ZBTB16: variants seen among roughly 807,000 people sequenced by gnomAD.
The protein encoded by ZBTB16 is zinc finger and BTB domain containing 16.
A neutral mutation model predicts 56.8 loss-of-function variants in ZBTB16; 8 were observed. The observed-to-expected ratio is 0.14, with a 90% CI of 0.08 to 0.25. The LOEUF (loss-of-function observed/expected upper bound fraction) is 0.25, where lower values mean the gene tolerates loss of function less well. Ranked by LOEUF, ZBTB16 falls within the 10% of genes least tolerant of loss-of-function variation. The pLI, the probability that ZBTB16 is intolerant of heterozygous loss-of-function variation, is 1.00. For synonymous variants in ZBTB16, 363 were observed against 368.5 expected (o/e 0.98, Z 0.17); for missense variants, 625 against 903.0 (o/e 0.69, Z 3.95).
At chr11:114,115,833 C>T (rs1941154765) in intron 2 of ZBTB16, among the ~76,000 whole-genome samples, 1 of 152,150 alleles carries the variant, frequency 6.6e-6, no homozygotes, top group African/African-American at 2.4e-5. Context: ...GCAGGCGCTG[C>T]CCCTACCCTG....
rs1938968946 is a variant in ZBTB16 at position 114,063,546 on chromosome 11, G to A, written c.246G>A (p.Gln82=). 1 of 1,614,250 alleles carries A rather than the reference G, an allele frequency of 6.2e-7. No homozygotes were observed. The highest frequency in any genetic ancestry group is 8.5e-7 in the Non-Finnish European group (1 of 1,180,054). Residue 82 remains glutamine (Q), a synonymous_variant, in exon 2 of 7, where the codon CAG becomes CAA. Transcript: ENST00000335953. This position sits in a 1 kb window ranked among gnomAD's most constrained non-coding sequence, Gnocchi z 6.5. ...TCCTCTCGCCAAAGACCTTCCAGCA[G>A]ATTCTGGAGTATGCATATACAGCCA... ...LDFLSPKTFQ[Q]ILEYAYTATL...
intron 2 of ZBTB16, among the ~76,000 whole-genome samples, chr11:114,140,550 AG>A (rs1027726550): frequency 6.6e-6 from 1 of 152,214 alleles, no homozygotes; most frequent in African/African-American, 2.4e-5. Context: ...AGGGTGCTGA[AG>A]GAAAGAAGTG....
At chr11:114,160,181 C>G (rs983280200) in intron 3 of ZBTB16, among the ~76,000 whole-genome samples, 1 of 152,200 alleles carries the variant, frequency 6.6e-6, no homozygotes, top group Non-Finnish European at 1.5e-5. Context: ...CCAGGCCAGG[C>G]CTGGCTGCGA....
At chr11:114,074,234 C>G (rs1939456311) in intron 2 of ZBTB16, among the ~76,000 whole-genome samples, 1 of 152,234 alleles carries the variant, frequency 6.6e-6, no homozygotes, top group African/African-American at 2.4e-5. Context: ...GCGTTGTGCT[C>G]TAAGTGGATT....
rs187932397 is a variant in ZBTB16, at chr11:114,217,410, G to C, written c.1454-24757G>C. ...TGCTTACATGATAGAAAATGAGCTGGATTGGGGTATCTCAATCCTAATGTC... is the reference window on the plus strand; with the variant it reads ...TGCTTACATGATAGAAAATGAGCTGCATTGGGGTATCTCAATCCTAATGTC... On this transcript the variant is annotated intron_variant, in intron 4 of 6. Coordinates refer to ENST00000335953, the MANE Select transcript of ZBTB16 (RefSeq NM_006006.6). Among the ~76,000 whole-genome samples, 173 of 152,290 alleles carry C rather than the reference G, an allele frequency of 1.1e-3. 3 individuals carry two copies. Among genetic ancestry groups the C allele is most frequent in the Admixed American group, 0.011 (170 of 15,296 alleles).
At position 114,064,749 on chromosome 11, in the gene ZBTB16, AGG is replaced by A. The variant is rs1172538920; in HGVS notation, c.1268+185_1268+186del. The stretch of plus-strand genomic sequence containing the variant: ...GGAGCAGGTTTTTTAAAGTGTAGTG[AGG>A]GGGCCTAGGATCTTTCCAAAAAGCA... On this transcript the variant is annotated intron_variant, in intron 2 of 6. Transcript: ENST00000335953. This position sits in a 1 kb window ranked among gnomAD's most constrained non-coding sequence, Gnocchi z 4.2. Among the ~76,000 whole-genome samples the A allele has an allele frequency of 6.6e-6, 1 of 152,108 alleles. No homozygotes were observed. The highest frequency in any genetic ancestry group is 2.4e-5 in the African/African-American group (1 of 41,422).
intron 4 of ZBTB16, among the ~76,000 whole-genome samples, chr11:114,190,308 C>G (rs936461350): frequency 6.6e-6 from 1 of 152,142 alleles, no homozygotes; most frequent in African/African-American, 2.4e-5. Context: ...ATAAACCCAT[C>G]ATAAGTAGAA....
chr11:114,199,311 G>T (rs967717360), intron 4 of ZBTB16, among the ~76,000 whole-genome samples: 1 of 151,474 alleles, frequency 6.6e-6, no homozygotes, highest in East Asian at 2.0e-4. Flanking sequence ...ATGCCGCTGG[G>T]CCCCGGGATG....
In ZBTB16 at chr11:114,059,848, C is replaced by A. The variant is rs1031959976; in HGVS notation, c.-125C>A. ...ACAGGCACACACCCCCCGACAGGCA[C>A]GCACACCCACCCCACAGTGCCCGGC... On this transcript the variant is annotated 5_prime_UTR_variant, in exon 1 of 7. Coordinates refer to ENST00000335953, the MANE Select transcript of ZBTB16 (RefSeq NM_006006.6). The surrounding 1 kb of genome is among the most constrained non-coding windows in gnomAD (Gnocchi z 5.3). The A allele has an allele frequency of 7.5e-6, 3 of 397,892 alleles. No homozygotes were observed. The East Asian group carries it at 1.1e-4, about 14-fold the overall frequency. 24.6% of individuals were successfully genotyped at this position (397,892 alleles called of 1,614,324 possible).
rs141969314 is a variant in ZBTB16 at position 114,186,602 on chromosome 11, C to T, written c.1367-350C>T. Among the ~76,000 whole-genome samples, 908 of 141,236 alleles carry T rather than the reference C, an allele frequency of 6.4e-3. 10 individuals are homozygous for T. The highest frequency in any genetic ancestry group is 0.024 in the African/African-American group (863 of 36,318). 92.7% of individuals were successfully genotyped at this position (141,236 alleles called of 152,430 possible). A position where few individuals can be genotyped will look rare whatever the true frequency, so the allele number is the denominator to read the frequency against. ...ACAGTTTAGGCAACAGGGCACATTTCCCTGTGTTGGTATCATTTTTCTCCT... is the reference window on the plus strand; with the variant it reads ...ACAGTTTAGGCAACAGGGCACATTTTCCTGTGTTGGTATCATTTTTCTCCT... On this transcript the variant is annotated intron_variant, in intron 3 of 6. Transcript: ENST00000335953.
chr11:114,090,158 C>T (rs961090383), intron 2 of ZBTB16, among the ~76,000 whole-genome samples: 2 of 152,212 alleles, frequency 1.3e-5, no homozygotes, highest in African/African-American at 4.8e-5. Context: ...GTGGCTATTC[C>T]AGCCATTAAA....
rs545800278 is a variant in ZBTB16 at position 114,098,598 on chromosome 11, C to T, written c.1268+34030C>T. ...CTCACGAGTCTTGCAAAAACCAGCA[C>T]GGGAGCCTTAGAAATTCTAACCTCC... On this transcript the variant is annotated intron_variant, in intron 2 of 6. Coordinates refer to ENST00000335953, the MANE Select transcript of ZBTB16 (RefSeq NM_006006.6). Among the ~76,000 whole-genome samples the T allele has an allele frequency of 8.6e-5, 13 of 150,860 alleles. No individual in the cohort carries two copies. In the South Asian group the frequency reaches 1.5e-3, roughly 17 times the overall value.
At chr11:114,066,957 A>G (rs1446571394) in intron 2 of ZBTB16, among the ~76,000 whole-genome samples, 2 of 151,782 alleles carry the variant, frequency 1.3e-5, no homozygotes, top group Admixed American at 1.3e-4. Flanking sequence ...TTTTTAGTAG[A>G]GACAGGGTTT....
At chr11:114,118,684 G>A (rs1042533717) in intron 2 of ZBTB16, among the ~76,000 whole-genome samples, 14 of 152,168 alleles carry the variant, frequency 9.2e-5, no homozygotes, top group Admixed American at 5.9e-4. Context: ...GGGAGATGAA[G>A]TGACTGGAAC....
chr11:114,125,719 C>T (rs151221033), intron 2 of ZBTB16, among the ~76,000 whole-genome samples: 9 of 152,228 alleles, frequency 5.9e-5, no homozygotes, highest in East Asian at 1.9e-4. Context: ...AGGGCAGAAG[C>T]GGTGCTGGCT....
intron 6 of ZBTB16, among the ~76,000 whole-genome samples, chr11:114,247,860 C>A (rs1944845747): frequency 6.6e-6 from 1 of 151,994 alleles, no homozygotes; most frequent in Non-Finnish European, 1.5e-5. Flanking sequence ...ATTTAATAAT[C>A]CCTATATGCA....
rs945498626 is a variant in ZBTB16 at position 114,243,028 on chromosome 11, G to A, written c.1624+691G>A. On this transcript the variant is annotated intron_variant, in intron 5 of 6. Transcript: ENST00000335953. Reference sequence around the variant, plus strand: ...GGCCATTCCCTGCCACCAGCCTCTAGGGCTTGAGGGATGGGGACACTTGGT... The same window carrying A: ...GGCCATTCCCTGCCACCAGCCTCTAAGGCTTGAGGGATGGGGACACTTGGT... 3.3e-5 allele frequency among the ~76,000 whole-genome samples: 5 copies of A among 152,320 alleles called. No homozygotes were observed. The East Asian group carries it at 9.7e-4, about 29-fold the overall frequency.
At chr11:114,099,509 C>T (rs1345951671) in intron 2 of ZBTB16, among the ~76,000 whole-genome samples, 1 of 151,390 alleles carries the variant, frequency 6.6e-6, no homozygotes. Flanking sequence ...TGCTGGGAAA[C>T]ATGCATTTTA....
intron 2 of ZBTB16, among the ~76,000 whole-genome samples, chr11:114,152,014 T>G (rs7950485): frequency 0.032 from 4,895 of 152,310 alleles, 289 homozygotes; most frequent in African/African-American, 0.11. Flanking sequence ...GGCTTCATGC[T>G]TCTATGCAGT....
Sources: gnomAD v4.1 joint callset for allele counts (sites outside exome capture counted in the v4.1 genomes callset) on GRCh38, gnomAD v4.1.1 for gene constraint, Gnocchi (gnomAD v3.1) non-coding constraint, MANE v1.5 for transcripts, NCBI Gene and HGNC (gene_info 2026-07-23, HGNC 2026-07-21) for gene names.